TRABD2B: variants seen among roughly 807,000 people sequenced by gnomAD.
TRABD2B encodes the protein metalloprotease TIKI2.
TRABD2B carries 14 observed loss-of-function variants against 40.1 expected under a neutral mutation model. The ratio of observed to expected loss-of-function variants is 0.35; its 90% confidence interval spans 0.23 to 0.55. The LOEUF (loss-of-function observed/expected upper bound fraction) is 0.55. TRABD2B is among the 20% of genes least tolerant of loss of function. The pLI, the probability that TRABD2B is intolerant of heterozygous loss-of-function variation, is 0.90. For missense variants in TRABD2B, 541 were observed against 648.6 expected (o/e 0.83, Z 1.80); for synonymous variants, 263 against 277.0 (o/e 0.95, Z 0.50).
At chr1:47,766,143 G>T (rs1361420611) in intron 6 of TRABD2B, 37 bp from the exon 7 acceptor site, 1 of 700,726 alleles carries the variant, frequency 1.4e-6, no homozygotes, top group East Asian at 2.7e-5. Context: ...GTCACCATCG[G>T]CAGCCTCGTC....
rs1644293194 is a variant in TRABD2B, at chr1:47,765,757, A to G, written c.*145T>C. ...AAAAAAGAAGATGTAACTTGGGTAC[A>G]GTAAAGCTCTAGAGTGTCTAGCCAA... On this transcript the variant is annotated 3_prime_UTR_variant, in exon 7 of 7. Coordinates refer to ENST00000606738, the MANE Select transcript of TRABD2B (RefSeq NM_001194986.2). 4.4e-6 allele frequency: 3 copies of G among 675,612 alleles called. No individual in the cohort carries two copies. Among genetic ancestry groups the G allele is most frequent in the Non-Finnish European group, 8.1e-6 (3 of 372,420 alleles). 41.9% of individuals were successfully genotyped at this position (675,612 alleles called of 1,614,324 possible). A position where few individuals can be genotyped will look rare whatever the true frequency, so the allele number is the denominator to read the frequency against.
rs547354731 is a variant in TRABD2B, at chr1:47,971,236, T to C, written c.666+22798A>G. ...ACATAAGCTAACAATCTACTATATA[T>C]AGGAATATCATGCCAGACCCTGAGC... is the stretch of plus-strand genomic sequence containing the variant. On this transcript the variant is annotated intron_variant, in intron 2 of 6. Transcript: ENST00000606738. 3.3e-5 allele frequency among the ~76,000 whole-genome samples: 5 copies of C among 152,270 alleles called. No homozygotes were observed. The South Asian group carries it at 1.0e-3, about 32-fold the overall frequency.
At chr1:47,948,689 T>C (rs1410170869) in intron 2 of TRABD2B, among the ~76,000 whole-genome samples, 2 of 152,150 alleles carry the variant, frequency 1.3e-5, no homozygotes. Flanking sequence ...TTCTTACCCC[T>C]CCATAAGCTT....
intron 5 of TRABD2B, 72 bp downstream of exon 5, chr1:47,778,382 C>T (rs1337272742): frequency 2.6e-6 from 3 of 1,163,998 alleles, no homozygotes; most frequent in African/African-American, 1.5e-5. Flanking sequence ...GAAGCCTCTT[C>T]ACAGCTCTCC....
intron 6 of TRABD2B, among the ~76,000 whole-genome samples, chr1:47,769,382 T>C (rs987018147): frequency 6.6e-6 from 1 of 152,158 alleles, no homozygotes; most frequent in Non-Finnish European, 1.5e-5. Flanking sequence ...ATGAATACTA[T>C]GTCTCACAAG....
chr1:47,882,951 T>C (rs544808862), intron 2 of TRABD2B, among the ~76,000 whole-genome samples: 1 of 152,290 alleles, frequency 6.6e-6, no homozygotes, highest in African/African-American at 2.4e-5. Context: ...CCGGCAGGTC[T>C]CGCAGTACCA....
Position 47,813,024 on chromosome 1 carries a change from G to A in TRABD2B, c.667-11405C>T, listed in dbSNP as rs762046399. On this transcript the variant is annotated intron_variant, in intron 2 of 6. Transcript: ENST00000606738. This position sits in a 1 kb window ranked among gnomAD's most constrained non-coding sequence, Gnocchi z 4.3. ...GGGAGGCGATCAGTCAGCGGTAGCC[G>A]TGGTTACCATTATCACTGTTATTGT... 2.0e-5 allele frequency among the ~76,000 whole-genome samples: 3 copies of A among 152,216 alleles called. No homozygotes were observed. Among genetic ancestry groups the A allele is most frequent in the Non-Finnish European group, 4.4e-5 (3 of 68,034 alleles).
At chr1:47,852,242 T>G (rs1645559736) in intron 2 of TRABD2B, among the ~76,000 whole-genome samples, 1 of 151,928 alleles carries the variant, frequency 6.6e-6, no homozygotes, top group African/African-American at 2.4e-5. Flanking sequence ...CAGGCGGAGG[T>G]TTGGGGCAGA....
At position 47,994,550 on chromosome 1, in the gene TRABD2B, C is replaced by T. The variant is rs113207784; in HGVS notation, c.150G>A (p.Pro50=). The change falls in exon 2 of 7, where the codon CCG becomes CCA. Residue 50 remains proline, a synonymous_variant. Transcript: ENST00000606738. This position sits in a 1 kb window ranked among gnomAD's most constrained non-coding sequence, Gnocchi z 6.7. ...CGTGAATAGTGCCAAACAGGTAGGC[C>T]GGAGGATCACGCCGAATCGTCCACA... ...SFLWTIRRDP[P]AYLFGTIHVP... 4,132 of 1,535,994 alleles carry T rather than the reference C, an allele frequency of 2.7e-3. 97 individuals carry two copies. The African/African-American group carries it at 0.046, about 17-fold the overall frequency.
At chr1:47,812,856 T>C (rs1055060167) in intron 2 of TRABD2B, among the ~76,000 whole-genome samples, 1 of 152,174 alleles carries the variant, frequency 6.6e-6, no homozygotes. Context: ...TCTCATGCCA[T>C]GGACCATGCA....
intron 2 of TRABD2B, among the ~76,000 whole-genome samples, chr1:47,839,486 C>G (rs553725020): frequency 6.6e-6 from 1 of 152,218 alleles, no homozygotes; most frequent in African/African-American, 2.4e-5. Context: ...GCTGACACTA[C>G]CTGGCTTCAG....
At chr1:47,827,422 G>A (rs1275826079) in intron 2 of TRABD2B, among the ~76,000 whole-genome samples, 5 of 152,224 alleles carry the variant, frequency 3.3e-5, no homozygotes, top group Admixed American at 3.3e-4. Flanking sequence ...TTATCTCTCT[G>A]CTCTGCATGC....
chr1:47,870,307 A>G (rs1644121647), intron 2 of TRABD2B, among the ~76,000 whole-genome samples: 1 of 152,132 alleles, frequency 6.6e-6, no homozygotes, highest in South Asian at 2.1e-4. Context: ...ACAACACTGT[A>G]TGATGATGTT....
At chr1:47,824,219 C>T (rs185129692) in intron 2 of TRABD2B, among the ~76,000 whole-genome samples, 3 of 152,248 alleles carry the variant, frequency 2.0e-5, no homozygotes, top group African/African-American at 7.2e-5. Context: ...TTCCTCACTC[C>T]TTTTTTTGGA....
intron 4 of TRABD2B, among the ~76,000 whole-genome samples, chr1:47,784,131 T>C (rs1322113476): frequency 6.6e-6 from 1 of 152,092 alleles, no homozygotes; most frequent in Admixed American, 6.5e-5. Context: ...AGTTTCCAGA[T>C]GAGGAAACAG....
chr1:47,965,568 C>A (rs1175410939), intron 2 of TRABD2B, among the ~76,000 whole-genome samples: 3 of 152,130 alleles, frequency 2.0e-5, no homozygotes, highest in African/African-American at 7.2e-5. Context: ...AGCCCTCCCC[C>A]AGCCCCAACC....
chr1:47,928,294 C>T (rs1166468477), intron 2 of TRABD2B, among the ~76,000 whole-genome samples: 1 of 152,218 alleles, frequency 6.6e-6, no homozygotes, highest in Non-Finnish European at 1.5e-5. Context: ...ATAACATACC[C>T]TATGGCCTAG....
intron 2 of TRABD2B, among the ~76,000 whole-genome samples, chr1:47,890,957 A>G (rs1397243735): frequency 6.6e-6 from 1 of 152,200 alleles, no homozygotes; most frequent in Non-Finnish European, 1.5e-5. Flanking sequence ...CTGGAGGTGC[A>G]CAACAGCACT....
chr1:47,954,622 T>A (rs961162975), intron 2 of TRABD2B, among the ~76,000 whole-genome samples: 1 of 152,042 alleles, frequency 6.6e-6, no homozygotes, highest in African/African-American at 2.4e-5. Context: ...GTGAATAAGG[T>A]CGTGGGGTTG....
Sources: gnomAD v4.1 joint callset for allele counts (sites outside exome capture counted in the v4.1 genomes callset) on GRCh38, gnomAD v4.1.1 for gene constraint, Gnocchi (gnomAD v3.1) non-coding constraint, MANE v1.5 for transcripts, NCBI Gene and HGNC (gene_info 2026-07-23, HGNC 2026-07-21) for gene names.